MECOM: variants seen among roughly 807,000 people sequenced by gnomAD.
MECOM encodes histone-lysine N-methyltransferase MECOM.
Under a neutral mutation model 116.3 loss-of-function variants are expected in MECOM, and 13 were observed. That is an observed-to-expected ratio of 0.11 (90% confidence interval 0.07 to 0.18). The LOEUF (loss-of-function observed/expected upper bound fraction) is 0.18. Ranked by LOEUF, MECOM falls within the 10% of genes least tolerant of loss-of-function variation. The probability of loss-of-function intolerance (pLI) is 1.00; values close to 1 mark genes in which losing one functional copy is unlikely to be tolerated. For synonymous variants in MECOM, 528 were observed against 535.2 expected, an observed-to-expected ratio of 0.99 and a Z score of 0.19; for missense variants, 1,299 against 1,509.0, an observed-to-expected ratio of 0.86 and a Z score of 2.31.
intron 2 of MECOM, among the ~76,000 whole-genome samples, chr3:169,230,055 C>T (rs1333145305): frequency 6.6e-6 from 1 of 152,128 alleles, no homozygotes; most frequent in Non-Finnish European, 1.5e-5. Context: ...AGGGATAATA[C>T]TTGAATATAC....
intron 2 of MECOM, among the ~76,000 whole-genome samples, chr3:169,181,714 T>C (rs1418587482): frequency 6.6e-6 from 1 of 152,130 alleles, no homozygotes; most frequent in Non-Finnish European, 1.5e-5. Flanking sequence ...AGGTCCTGGA[T>C]AGGAAACTTA....
At chr3:169,318,135 G>T (rs1720097008) in intron 2 of MECOM, among the ~76,000 whole-genome samples, 1 of 152,178 alleles carries the variant, frequency 6.6e-6, no homozygotes, top group Admixed American at 6.5e-5. Flanking sequence ...ATGGATTAAA[G>T]ACTTAAATGT....
intron 1 of MECOM, among the ~76,000 whole-genome samples, chr3:169,425,911 T>C (rs981427210): frequency 4.6e-5 from 7 of 152,108 alleles, no homozygotes; most frequent in African/African-American, 1.7e-4. Context: ...GCAGATAGCA[T>C]AGAGCCTTTT....
intron 12 of MECOM, among the ~76,000 whole-genome samples, chr3:169,095,872 C>A (rs1435268287): frequency 6.6e-6 from 1 of 152,050 alleles, no homozygotes; most frequent in Admixed American, 6.5e-5. Context: ...CCACTAAGTT[C>A]TCTTTTTGGA....
intron 1 of MECOM, among the ~76,000 whole-genome samples, chr3:169,563,032 C>T: frequency 6.7e-6 from 1 of 148,462 alleles, no homozygotes; most frequent in Admixed American, 6.8e-5. Context: ...CCATTGCACT[C>T]CAGCCTGGGT....
At chr3:169,321,493 A>T (rs1393953510) in intron 2 of MECOM, among the ~76,000 whole-genome samples, 1 of 152,052 alleles carries the variant, frequency 6.6e-6, no homozygotes, top group Non-Finnish European at 1.5e-5. Flanking sequence ...GTGAGCTGAG[A>T]TTGCAACACT....
intron 9 of MECOM, among the ~76,000 whole-genome samples, chr3:169,109,114 G>A (rs995935229): frequency 6.6e-6 from 1 of 152,156 alleles, no homozygotes; most frequent in Admixed American, 6.6e-5. Context: ...AGGAACAAAC[G>A]AAATGGACAT....
chr3:169,094,309 C>G (rs1026421470), intron 13 of MECOM, among the ~76,000 whole-genome samples: 2 of 152,122 alleles, frequency 1.3e-5, no homozygotes, highest in Non-Finnish European at 2.9e-5. Context: ...TCCCCTACCC[C>G]CAAAGCATAA....
chr3:169,088,078 C>A (rs1718413094), intron 16 of MECOM, among the ~76,000 whole-genome samples: 1 of 152,074 alleles, frequency 6.6e-6, no homozygotes, highest in African/African-American at 2.4e-5. Context: ...TAAGACAAAC[C>A]CAGACATCTT....
chr3:169,547,501 G>T (rs1760870237), intron 1 of MECOM, among the ~76,000 whole-genome samples: 1 of 152,088 alleles, frequency 6.6e-6, no homozygotes, highest in South Asian at 2.1e-4. Flanking sequence ...GGCTTTGGAG[G>T]CAAACTAATC....
At chr3:169,560,709 A>G (rs923127932) in intron 1 of MECOM, among the ~76,000 whole-genome samples, 1 of 152,144 alleles carries the variant, frequency 6.6e-6, no homozygotes, top group Non-Finnish European at 1.5e-5. Context: ...GCATCAAAAA[A>G]TAAATTTAGA....
At chr3:169,221,369 G>T (rs912627043) in intron 2 of MECOM, among the ~76,000 whole-genome samples, 2 of 152,104 alleles carry the variant, frequency 1.3e-5, no homozygotes, top group Non-Finnish European at 2.9e-5. Context: ...AGTAAACTCA[G>T]AAATTATTTC....
chr3:169,108,040 AC>A, intron 9 of MECOM, 88 bp from the exon 10 acceptor site: 1 of 1,114,616 alleles, frequency 9.0e-7, no homozygotes, highest in South Asian at 1.4e-5. Context: ...TAACATTTGT[AC>A]TAACTTAGTA....
chr3:169,184,067 C>T (rs1429418226), intron 2 of MECOM, among the ~76,000 whole-genome samples: 1 of 151,884 alleles, frequency 6.6e-6, no homozygotes, highest in Non-Finnish European at 1.5e-5. Flanking sequence ...GATTTCACCA[C>T]ATTAGCCAGG....
chr3:169,364,067 A>G (rs181716555), intron 2 of MECOM, among the ~76,000 whole-genome samples: 1 of 151,950 alleles, frequency 6.6e-6, no homozygotes, highest in Admixed American at 6.6e-5. Flanking sequence ...TCTTAAGTAC[A>G]TCTGTTCAAT....
chr3:169,372,903 G>T (rs1730382676), intron 2 of MECOM, among the ~76,000 whole-genome samples: 1 of 152,070 alleles, frequency 6.6e-6, no homozygotes, highest in Admixed American at 6.6e-5. Flanking sequence ...TTGAGACCAG[G>T]AAGTCTCACT....
rs569876154 is a variant in MECOM, at chr3:169,483,209, T to A, written c.38-101685A>T. Among the ~76,000 whole-genome samples, 856 of 130,690 alleles carry A rather than the reference T, an allele frequency of 6.5e-3. 17 individuals carry two copies. The highest frequency in any genetic ancestry group is 0.025 in the African/African-American group (756 of 30,550). The allele number at this position is 130,690 out of a possible 152,430, so 85.7% of individuals were successfully genotyped here. ...TGTTTTATTTTTATTTTTATTTTTT[T>A]TTTTTTTTTGCCCAGAAACCCGCAT... On this transcript the variant is annotated intron_variant, in intron 1 of 16. Transcript: ENST00000651503.
chr3:169,615,941 A>G (rs1769937166), intron 1 of MECOM, among the ~76,000 whole-genome samples: 1 of 152,220 alleles, frequency 6.6e-6, no homozygotes, highest in East Asian at 1.9e-4. Flanking sequence ...GGTGGAACAA[A>G]GTGTTATCTC....
intron 1 of MECOM, among the ~76,000 whole-genome samples, chr3:169,487,536 G>A (rs1752550063): frequency 6.6e-6 from 1 of 151,270 alleles, no homozygotes; most frequent in Non-Finnish European, 1.5e-5. Context: ...GTAGGAGAGG[G>A]AAAAATAAAA....
Sources: allele counts gnomAD v4.1 joint callset (sites outside exome capture counted in the v4.1 genomes callset), GRCh38; gene constraint gnomAD v4.1.1; transcripts MANE v1.5; gene names NCBI Gene and HGNC (gene_info 2026-07-23, HGNC 2026-07-21).